TAF1L: variants seen among roughly 807,000 people sequenced by gnomAD.
TAF1L encodes TATA-box binding protein associated factor 1 like, also known as transcription initiation factor TFIID subunit 1-like.
In TAF1L, 30 loss-of-function variants were observed where a neutral mutation model predicts 128.8. The ratio of observed to expected loss-of-function variants is 0.23; its 90% CI spans 0.17 to 0.32. The LOEUF is 0.32. Among genes scored for constraint, TAF1L ranks in the 10% least tolerant of loss-of-function variants. The pLI is 1.00. For synonymous variants in TAF1L, 764 were observed against 790.7 expected (o/e 0.97, Z 0.57); for missense variants, 2,099 against 2,253.7 (o/e 0.93, Z 1.39).
chr9:32,632,569 T>C lies in TAF1L; in HGVS notation c.3011A>G (p.Lys1004Arg). 1.2e-6 allele frequency: 2 copies of C among 1,614,240 alleles called. No homozygotes were observed. The highest frequency in any genetic ancestry group is 1.1e-5 in the South Asian group (1 of 91,084). ...TGCATCTGTTCCTGTCACTGTCTTCTTCACTGCCTGTGGCTCTTTATCATC... is the reference window on the plus strand; with the variant it reads ...TGCATCTGTTCCTGTCACTGTCTTCCTCACTGCCTGTGGCTCTTTATCATC... Reference protein sequence around the residue: ...QKDDKEPQAVKKTVTGTDADL... With the variant: ...QKDDKEPQAVRKTVTGTDADL... Residue 1004 changes from lysine (K) to arginine (R), a missense_variant, in exon 1 of 1, where the codon AAG becomes AGG. This residue lies in a region of TAF1L where 1,213 missense variants were observed against 1,391.4 expected (regional missense o/e 0.87). Transcript: ENST00000242310. The surrounding 1 kb of genome is among the most constrained non-coding windows in gnomAD (Gnocchi z 4.4).
At position 32,633,812 on chromosome 9, in the gene TAF1L, C is replaced by T. The variant is rs1308110544; in HGVS notation, c.1768G>A (p.Glu590Lys). 4.3e-6 allele frequency: 7 copies of T among 1,614,086 alleles called. No homozygotes were observed. The highest frequency in any genetic ancestry group is 4.0e-5 in the African/African-American group (3 of 74,910). The change falls in exon 1 of 1, where the codon GAG becomes AAG. Residue 590 changes from glutamate (E) to lysine (K), a missense_variant. Glu to Lys is a moderately conservative substitution (Grantham distance 56). This residue lies in a region of TAF1L where 1,213 missense variants were observed against 1,391.4 expected (regional missense o/e 0.87). Coordinates refer to ENST00000242310, the MANE Select transcript of TAF1L (RefSeq NM_153809.2). ...CCCTGTTGCTTGGGGAAATAATACT[C>T]ATCATTGGAGAGATTCCATGGATCT... ...VKDPWNLSNDEYYFPKQQGLR... is the reference protein window; with the variant it reads ...VKDPWNLSNDKYYFPKQQGLR...
chr9:32,634,644 G>A lies in TAF1L; in HGVS notation c.936C>T (p.Asn312=). The A allele has an allele frequency of 6.2e-7, 1 of 1,614,016 alleles. No individual in the cohort carries two copies. The highest frequency in any genetic ancestry group is 8.5e-7 in the Non-Finnish European group (1 of 1,179,996). The stretch of plus-strand genomic sequence containing the variant: ...GGGGTGGTGGTGGAGCATAGTCATA[G>A]TTCCACAAAGACTTCTGGCTGACTT... The part of the protein sequence containing the change: ...ESEVSQKSLW[N]YDYAPPPPPE... The change falls in exon 1 of 1, where the codon AAC becomes AAT. Residue 312 remains asparagine, a synonymous_variant. Transcript: ENST00000242310.
rs879202124 is a variant in TAF1L at position 32,631,005 on chromosome 9, T to C, written c.4575A>G (p.Ala1525=). The C allele has an allele frequency of 6.2e-7, 1 of 1,614,174 alleles. No homozygotes were observed. The highest frequency in any genetic ancestry group is 1.1e-5 in the South Asian group (1 of 91,090). ...NPLLDDDDQV[A]FSFILDNIVT... The stretch of plus-strand genomic sequence containing the variant: ...CAATGTTGTCCAGAATGAAAGAAAA[T>C]GCCACTTGGTCATCATCATCCAGCA... The change falls in exon 1 of 1, where the codon GCA becomes GCG. Residue 1525 remains alanine, a synonymous_variant. Coordinates refer to ENST00000242310, the MANE Select transcript of TAF1L (RefSeq NM_153809.2). The surrounding 1 kb of genome is among the most constrained non-coding windows in gnomAD (Gnocchi z 4.1).
In TAF1L at chr9:32,629,510, A is replaced by G. The variant is rs1005811272; in HGVS notation, c.*589T>C. The G allele has an allele frequency of 1.4e-4, 22 of 154,502 alleles. No homozygotes were observed. The highest frequency in any genetic ancestry group is 5.1e-4 in the African/African-American group (21 of 41,464). 9.6% of individuals were successfully genotyped at this position (154,502 alleles called of 1,614,324 possible). A position where few individuals can be genotyped will look rare whatever the true frequency, so the allele number is the denominator to read the frequency against. ...AATCCATATAGGAACGAGGCATTGT[A>G]TAATTAAATAAACAATAAAATAATG... On this transcript the variant is annotated 3_prime_UTR_variant, in exon 1 of 1. Coordinates refer to ENST00000242310, the MANE Select transcript of TAF1L (RefSeq NM_153809.2).
In TAF1L at chr9:32,630,493, G is replaced by T. The variant is rs1489437859; in HGVS notation, c.5087C>A (p.Ser1696Tyr). 1.9e-6 allele frequency: 3 copies of T among 1,614,014 alleles called. No homozygotes were observed. The highest frequency in any genetic ancestry group is 1.3e-5 in the African/African-American group (1 of 74,916). Residue 1696 changes from serine (S) to tyrosine (Y), a missense_variant, in exon 1 of 1, where the codon TCC (serine) becomes TAC (tyrosine). Ser to Tyr is a moderately radical substitution (Grantham distance 144). Around this residue, in one of 4 missense-constraint regions of TAF1L, gnomAD observed 404 missense variants for 406.5 expected, o/e 0.99. Transcript: ENST00000242310. The part of the protein sequence containing the change: ...DESNLSVLDI[S>Y]TATPEKQMCQ... ...CATCTGTTTTTCTGGAGTGGCAGTG[G>T]AAATATCCAAGACAGACAAATTGCT...
At position 32,630,109 on chromosome 9, in the gene TAF1L, T is replaced by C. The variant is rs1279239362; in HGVS notation, c.5471A>G (p.His1824Arg). 1 of 1,614,172 alleles carries C rather than the reference T, an allele frequency of 6.2e-7. No individual in the cohort carries two copies. Among genetic ancestry groups the C allele is most frequent in the African/African-American group, 1.3e-5 (1 of 75,050 alleles). The change falls in exon 1 of 1, where the codon CAC becomes CGC. Residue 1824 changes from histidine (H) to arginine (R), a missense_variant. This residue lies in a region of TAF1L where 404 missense variants were observed against 406.5 expected (regional missense o/e 0.99). Transcript: ENST00000242310. ...QHASGEHKDG[H>R]GK ...GACATCATGCTTTCTTCATTTTCCG[T>C]GCCCATCCTTGTGTTCTCCTGAAGC... is the stretch of plus-strand genomic sequence containing the variant.
Position 32,632,179 on chromosome 9 carries a change from G to C in TAF1L, c.3401C>G (p.Ser1134Cys), listed in dbSNP as rs1822526402. The change falls in exon 1 of 1, where the codon TCT (serine) becomes TGT (cysteine). Residue 1134 changes from serine to cysteine, a missense_variant. By Grantham distance (112) the Ser-to-Cys change is moderately radical (BLOSUM62 -1). Coordinates refer to ENST00000242310, the MANE Select transcript of TAF1L (RefSeq NM_153809.2). The surrounding 1 kb of genome is among the most constrained non-coding windows in gnomAD (Gnocchi z 4.4). The stretch of plus-strand genomic sequence containing the variant: ...CTCCTCCCATTCACGTGACAGCTGA[G>C]AGCTGGTTTTCTTGTTCTGCAACAT... ...ENMLQNKKTS[S>C]QLSREWEEQE... 2.5e-6 allele frequency: 4 copies of C among 1,614,200 alleles called. No individual in the cohort carries two copies. The highest frequency in any genetic ancestry group is 1.3e-5 in the African/African-American group (1 of 75,042).
rs775997152 is a variant in TAF1L, at chr9:32,634,538, C to G, written c.1042G>C (p.Asp348His). 1.2e-6 allele frequency: 2 copies of G among 1,614,076 alleles called. No homozygotes were observed. The highest frequency in any genetic ancestry group is 1.3e-5 in the African/African-American group (1 of 74,920). Residue 348 changes from aspartate (D) to histidine (H), a missense_variant, in exon 1 of 1, where the codon GAT becomes CAT. Physicochemically the swap from Asp to His is moderately conservative, Grantham distance 81. Coordinates refer to ENST00000242310, the MANE Select transcript of TAF1L (RefSeq NM_153809.2). ...SKFSQSTGDV[D>H]KVTDTKPRVA... ...CTTGGTTTGGTATCTGTCACTTTAT[C>G]TACATCTCCAGTTGATTGGGAAAAT...
chr9:32,635,177 G>A lies in TAF1L; in HGVS notation c.403C>T (p.His135Tyr). Residue 135 changes from histidine (H) to tyrosine (Y), a missense_variant, in exon 1 of 1, where the codon CAC becomes TAC. Around this residue, in one of 4 missense-constraint regions of TAF1L, gnomAD observed 473 missense variants for 429.6 expected, o/e 1.10. Transcript: ENST00000242310. ...TAGTCATCTTCATCATAATCCGAGT[G>A]GTAAAGGGGCTGCAAGCTCCCCATC... is the stretch of plus-strand genomic sequence containing the variant. ...QTMGSLQPLY[H>Y]SDYDEDDYDA... is the part of the protein sequence containing the mutation. 1 of 1,614,104 alleles carries A rather than the reference G, an allele frequency of 6.2e-7. No individual in the cohort carries two copies. Among genetic ancestry groups the A allele is most frequent in the Non-Finnish European group, 8.5e-7 (1 of 1,180,010 alleles).
Position 32,629,925 on chromosome 9 carries a change from A to C in TAF1L, c.*174T>G. The C allele has an allele frequency of 1.5e-6, 2 of 1,292,280 alleles. No individual in the cohort carries two copies. Among genetic ancestry groups the C allele is most frequent in the South Asian group, 3.0e-5 (2 of 66,522 alleles). 80.1% of individuals were successfully genotyped at this position (1,292,280 alleles called of 1,614,324 possible). ...CCCGCCTCGGCCTCCCAGAGTGCTGAGATTACAGGTGTGAGCCACCATGCC... is the reference window on the plus strand; with the variant it reads ...CCCGCCTCGGCCTCCCAGAGTGCTGCGATTACAGGTGTGAGCCACCATGCC... On this transcript the variant is annotated 3_prime_UTR_variant, in exon 1 of 1. Transcript: ENST00000242310.
In TAF1L at chr9:32,632,715, C is replaced by G; in HGVS notation, c.2865G>C (p.Arg955Ser). ...TGCCCTTCATGGCAGCAATGAAGGC[C>G]CTTGTGGTGTTCCAAGGAGCAGCGT... ...EVHAAPWNTT[R>S]AFIAAMKGKC... Residue 955 changes from arginine (R) to serine (S), a missense_variant, in exon 1 of 1, where the codon AGG (arginine) becomes AGC (serine). Physicochemically the swap from Arg to Ser is moderately radical, Grantham distance 110 (BLOSUM62 -1). Around this residue, in one of 4 missense-constraint regions of TAF1L, gnomAD observed 1,213 missense variants for 1,391.4 expected, o/e 0.87. Transcript: ENST00000242310. This position sits in a 1 kb window ranked among gnomAD's most constrained non-coding sequence, Gnocchi z 4.4. 2 of 1,614,202 alleles carry G rather than the reference C, an allele frequency of 1.2e-6. No homozygotes were observed. Among genetic ancestry groups the G allele is most frequent in the Non-Finnish European group, 1.7e-6 (2 of 1,180,046 alleles).
At position 32,631,383 on chromosome 9, in the gene TAF1L, G is replaced by A. The variant is rs1316220773; in HGVS notation, c.4197C>T (p.Asp1399=). 6.2e-7 allele frequency: 1 copy of A among 1,614,176 alleles called. No individual in the cohort carries two copies. The highest frequency in any genetic ancestry group is 2.2e-5 in the East Asian group (1 of 44,882). The change falls in exon 1 of 1, where the codon GAC becomes GAT. Residue 1399 remains aspartate, a synonymous_variant. Transcript: ENST00000242310. This position sits in a 1 kb window ranked among gnomAD's most constrained non-coding sequence, Gnocchi z 4.1. The part of the protein sequence containing the change: ...PHKSIHRRRT[D]PMVTLSSILE... ...GGATGGATGACAGCGTCACCATAGG[G>A]TCTGTGCGGCGTCGGTGGATGGACT...
chr9:32,635,624 C>T lies in TAF1L; in HGVS notation c.-45G>A, dbSNP rs536220743. 1.9e-6 allele frequency: 3 copies of T among 1,555,258 alleles called. No individual in the cohort carries two copies. In the South Asian group the frequency reaches 3.7e-5, roughly 19 times the overall value. On this transcript the variant is annotated 5_prime_UTR_variant, in exon 1 of 1. Coordinates refer to ENST00000242310, the MANE Select transcript of TAF1L (RefSeq NM_153809.2). ...AGTCGCCCGGAAGTGATCTACTTAGCTCCCTTACCCTACCAGCGTCTACCG... is the reference window on the plus strand; with the variant it reads ...AGTCGCCCGGAAGTGATCTACTTAGTTCCCTTACCCTACCAGCGTCTACCG...
Position 32,634,227 on chromosome 9 carries a change from G to A in TAF1L, c.1353C>T (p.Ser451=), listed in dbSNP as rs150434272. 47 of 1,614,162 alleles carry A rather than the reference G, an allele frequency of 2.9e-5. No homozygotes were observed. The African/African-American group carries it at 6.1e-4, about 21-fold the overall frequency. Residue 451 remains serine (S), a synonymous_variant, in exon 1 of 1, where the codon AGC becomes AGT. Transcript: ENST00000242310. ...KHKGTKPQGA[S]LAGWLPSIKT... is the part of the protein sequence containing the mutation. ...TAATAGAAGGAAGCCAGCCTGCCAG[G>A]CTTGCACCCTGAGGTTTTGTCCCTT...
rs1822540367 is a variant in TAF1L, at chr9:32,633,279, A to G, written c.2301T>C (p.Phe767=). 4 of 1,614,120 alleles carry G rather than the reference A, an allele frequency of 2.5e-6. No individual in the cohort carries two copies. Among genetic ancestry groups the G allele is most frequent in the South Asian group, 2.2e-5 (2 of 91,092 alleles). The part of the protein sequence containing the change: ...QLLQALENNL[F]RAPVYLHKMP... ...TCTTATGAAGATACACTGGAGCACG[A>G]AAAAGGTTGTTCTCAAGTGCCTGCA... Residue 767 remains phenylalanine (F), a synonymous_variant, in exon 1 of 1, where the codon TTT becomes TTC. Coordinates refer to ENST00000242310, the MANE Select transcript of TAF1L (RefSeq NM_153809.2).
Position 32,632,594 on chromosome 9 carries a change from C to T in TAF1L, c.2986G>A (p.Asp996Asn). ...KIPNKPTQQK[D>N]DKEPQAVKKT... ...TTCACTGCCTGTGGCTCTTTATCATCCTTCTGCTGTGTTGGTTTATTTGGA... is the reference window on the plus strand; with the variant it reads ...TTCACTGCCTGTGGCTCTTTATCATTCTTCTGCTGTGTTGGTTTATTTGGA... The change falls in exon 1 of 1, where the codon GAT becomes AAT. Residue 996 changes from aspartate to asparagine, a missense_variant. Coordinates refer to ENST00000242310, the MANE Select transcript of TAF1L (RefSeq NM_153809.2). The surrounding 1 kb of genome is among the most constrained non-coding windows in gnomAD (Gnocchi z 4.4). The T allele has an allele frequency of 6.2e-7, 1 of 1,614,204 alleles. No individual in the cohort carries two copies. The highest frequency in any genetic ancestry group is 8.5e-7 in the Non-Finnish European group (1 of 1,180,048).
rs1021176904 is a variant in TAF1L, at chr9:32,629,481, C to T, written c.*618G>A. 3.9e-5 allele frequency: 6 copies of T among 152,714 alleles called. No individual in the cohort carries two copies. Among genetic ancestry groups the T allele is most frequent in the African/African-American group, 1.4e-4 (6 of 41,448 alleles). 9.5% of individuals were successfully genotyped at this position (152,714 alleles called of 1,614,324 possible). On this transcript the variant is annotated 3_prime_UTR_variant, in exon 1 of 1. Transcript: ENST00000242310. ...TGTTTCAAAATTTATGGTAATTTGC[C>T]TCAAATCCATATAGGAACGAGGCAT...
Position 32,631,421 on chromosome 9 carries a change from T to C in TAF1L, c.4159A>G (p.Asn1387Asp). 1 of 1,614,172 alleles carries C rather than the reference T, an allele frequency of 6.2e-7. No individual in the cohort carries two copies. The highest frequency in any genetic ancestry group is 8.5e-7 in the Non-Finnish European group (1 of 1,180,040). The change falls in exon 1 of 1, where the codon AAT becomes GAT. Residue 1387 changes from asparagine to aspartate, a missense_variant. Asn to Asp is a conservative substitution (Grantham distance 23, BLOSUM62 1). Transcript: ENST00000242310. This position sits in a 1 kb window ranked among gnomAD's most constrained non-coding sequence, Gnocchi z 4.1. Reference protein sequence around the residue: ...VGTTVHCDYLNIPHKSIHRRR... With the variant: ...VGTTVHCDYLDIPHKSIHRRR... ...CGGTGGATGGACTTATGAGGTATAT[T>C]CAAATAGTCACAATGAACAGTGGTT...
rs1822574130 is a variant in TAF1L, at chr9:32,635,559, C to A, written c.21G>T (p.Leu7Phe). 6.2e-7 allele frequency: 1 copy of A among 1,608,260 alleles called. No homozygotes were observed. The highest frequency in any genetic ancestry group is 1.3e-5 in the African/African-American group (1 of 74,600). Residue 7 changes from leucine to phenylalanine, a missense_variant, in exon 1 of 1, where the codon TTG becomes TTT. Physicochemically the swap from Leu to Phe is conservative, Grantham distance 22 (BLOSUM62 0). This residue lies in a region of TAF1L where 473 missense variants were observed against 429.6 expected (regional missense o/e 1.10). Coordinates refer to ENST00000242310, the MANE Select transcript of TAF1L (RefSeq NM_153809.2). ...TGACGGTAGCTGCTGCCCTCAGCAG[C>A]AAATCGCAGCCGGGTCGCATAAACC... MRPGCD[L>F]LLRAAATVTA...
Sources: allele counts gnomAD v4.1 joint callset, GRCh38; gene constraint gnomAD v4.1.1; regional missense constraint gnomAD v4.1.1; non-coding constraint Gnocchi (gnomAD v3.1); transcripts MANE v1.5; gene names NCBI Gene and HGNC (gene_info 2026-07-23, HGNC 2026-07-21).